The following TP63 variants were observed in gnomAD, a reference collection of about 807,000 sequenced individuals.
TP63 encodes the protein tumor protein 63.
Under a neutral mutation model 82.8 loss-of-function variants are expected in TP63, and 17 were observed. The ratio of observed to expected loss-of-function variants is 0.21; its 90% CI spans 0.14 to 0.31. TP63 has a LOEUF of 0.31. Among genes scored for constraint, TP63 ranks in the 10% least tolerant of loss-of-function variants. TP63 has a pLI of 1.00. For synonymous variants in TP63, 330 were observed against 321.7 expected, an observed-to-expected ratio of 1.03 and a Z score of -0.28; for missense variants, 648 against 895.3, an observed-to-expected ratio of 0.72 and a Z score of 3.52.
At chr3:189,612,322 T>G in the TP63 span, among the ~76,000 whole-genome samples, 1 of 152,144 alleles carries the variant, frequency 6.6e-6, no homozygotes, top group Non-Finnish European at 1.5e-5. Context: ...TCCTGTGCTA[T>G]TCTCATGATA....
chr3:189,837,529 G>C (rs1468067655), intron 4 of TP63, among the ~76,000 whole-genome samples: 2 of 104,986 alleles, frequency 1.9e-5, no homozygotes, highest in African/African-American at 6.7e-5. Context: ...ATCCTTTCTA[G>C]CTAGAGTTGC....
At chr3:189,782,600 C>A (rs1724310582) in intron 3 of TP63, among the ~76,000 whole-genome samples, 1 of 152,134 alleles carries the variant, frequency 6.6e-6, no homozygotes. Context: ...TGGAATCTAT[C>A]ATAAACTAAA....
At chr3:189,806,320 T>G (rs957789364) in intron 3 of TP63, among the ~76,000 whole-genome samples, 3 of 152,100 alleles carry the variant, frequency 2.0e-5, no homozygotes, top group African/African-American at 4.8e-5. Context: ...GAAAGTGCTG[T>G]GAGTTTCTTT....
Position 189,861,914 on chromosome 3 carries a change from G to A in TP63, c.580-2318G>A, listed in dbSNP as rs7634900. ...ATTTATTTTCTTATTTATAAAATAG[G>A]GATGATAATTCAAGTCAATTATCTG... On this transcript the variant is annotated intron_variant, in intron 4 of 13. Transcript: ENST00000264731. Among the ~76,000 whole-genome samples the A allele has an allele frequency of 3.5e-3, 530 of 152,186 alleles. 6 individuals carry two copies. Among genetic ancestry groups the A allele is most frequent in the African/African-American group, 0.012 (502 of 41,526 alleles).
intron 3 of TP63, among the ~76,000 whole-genome samples, chr3:189,781,889 T>G (rs1011324123): frequency 2.6e-5 from 4 of 152,114 alleles, no homozygotes; most frequent in African/African-American, 9.7e-5. Context: ...TCTTCATCAA[T>G]AGTAAATCAA....
chr3:189,688,367 A>G (rs143297433), intron 1 of TP63, among the ~76,000 whole-genome samples: 33 of 152,316 alleles, frequency 2.2e-4, no homozygotes, highest in African/African-American at 7.7e-4. Context: ...CTAAGATAAG[A>G]AAGATTTATA....
chr3:189,797,460 A>C (rs1383500776), intron 3 of TP63, among the ~76,000 whole-genome samples: 4 of 151,992 alleles, frequency 2.6e-5, no homozygotes, highest in Non-Finnish European at 5.9e-5. Context: ...GATCTTTCTC[A>C]AGTTTATTCT....
intron 10 of TP63, among the ~76,000 whole-genome samples, chr3:189,885,340 C>A (rs953589595): frequency 6.6e-6 from 1 of 152,182 alleles, no homozygotes; most frequent in African/African-American, 2.4e-5. Flanking sequence ...GCCTCCACTA[C>A]TCTATGAGTG....
intron 1 of TP63, among the ~76,000 whole-genome samples, chr3:189,707,487 T>C (rs925276116): frequency 2.6e-5 from 4 of 152,158 alleles, no homozygotes; most frequent in Admixed American, 6.6e-5. Flanking sequence ...CATTTGTACA[T>C]TTTTGTTGTT....
chr3:189,635,779 C>T (rs984981964), intron 1 of TP63, among the ~76,000 whole-genome samples: 5 of 152,054 alleles, frequency 3.3e-5, no homozygotes, highest in Admixed American at 6.6e-5. Context: ...TTTTTCTTGC[C>T]AGTATCATGC....
chr3:189,667,552 G>A (rs535606779), intron 1 of TP63, among the ~76,000 whole-genome samples: 2 of 152,074 alleles, frequency 1.3e-5, no homozygotes, highest in Non-Finnish European at 2.9e-5. Context: ...CAGAGTTTGT[G>A]TGGGAGCTCT....
intron 3 of TP63, among the ~76,000 whole-genome samples, chr3:189,802,485 C>T (rs905751896): frequency 6.6e-6 from 1 of 152,138 alleles, no homozygotes; most frequent in African/African-American, 2.4e-5. Context: ...TGAGGATGGC[C>T]ATAAGTCACA....
At chr3:189,812,793 T>G (rs1560209584) in intron 4 of TP63, among the ~76,000 whole-genome samples, 1 of 152,220 alleles carries the variant, frequency 6.6e-6, no homozygotes, top group Non-Finnish European at 1.5e-5. Flanking sequence ...ATTGTAGTTT[T>G]GTTGAGGCTT....
chr3:189,680,232 A>T (rs966578963), intron 1 of TP63, among the ~76,000 whole-genome samples: 1 of 152,012 alleles, frequency 6.6e-6, no homozygotes, highest in Non-Finnish European at 1.5e-5. Flanking sequence ...TGAACATGGG[A>T]TATATTTTCA....
At chr3:189,797,742 A>G (rs1725860060) in intron 3 of TP63, among the ~76,000 whole-genome samples, 1 of 152,058 alleles carries the variant, frequency 6.6e-6, no homozygotes, top group Non-Finnish European at 1.5e-5. Context: ...TAGGCCTGGG[A>G]AATTATTTCA....
At chr3:189,637,223 A>AT (rs1491490514) in intron 1 of TP63, among the ~76,000 whole-genome samples, 1 of 152,132 alleles carries the variant, frequency 6.6e-6, no homozygotes, top group Non-Finnish European at 1.5e-5. Context: ...AAAACTCCAC[A>AT]TAGACAGTGA....
At chr3:189,886,218 C>G (rs1007774775) in intron 10 of TP63, among the ~76,000 whole-genome samples, 176 bp from the exon 11 acceptor site, 3 of 152,220 alleles carry the variant, frequency 2.0e-5, no homozygotes, top group African/African-American at 4.8e-5. Flanking sequence ...CAGTTTCTCC[C>G]TATTCAGGAA....
At chr3:189,641,802 A>AATG (rs1240737318) in intron 1 of TP63, among the ~76,000 whole-genome samples, 2 of 152,196 alleles carry the variant, frequency 1.3e-5, no homozygotes, top group African/African-American at 4.8e-5. Flanking sequence ...AAACTTATAC[A>AATG]TGTTCAATCT....
chr3:189,750,384 G>A (rs1049117466), intron 3 of TP63, among the ~76,000 whole-genome samples: 5 of 152,058 alleles, frequency 3.3e-5, no homozygotes, highest in African/African-American at 9.7e-5. Flanking sequence ...TATAGAAAAC[G>A]TATAAGTTCT....
Sources: allele counts gnomAD v4.1 joint callset (sites outside exome capture counted in the v4.1 genomes callset), GRCh38; gene constraint gnomAD v4.1.1; transcripts MANE v1.5; gene names NCBI Gene and HGNC (gene_info 2026-07-23, HGNC 2026-07-21).